FREM1: variants seen among roughly 807,000 people sequenced by gnomAD.
FREM1 encodes the protein FRAS1-related extracellular matrix protein 1.
A neutral mutation model predicts 210.1 loss-of-function variants in FREM1; 220 were observed. The ratio of observed to expected loss-of-function variants is 1.05; its 90% CI spans 0.94 to 1.17. FREM1 has a LOEUF of 1.17. FREM1 is among the 50% of genes most tolerant of loss of function. FREM1 has a pLI of 0.00. For missense variants in FREM1, 3,454 were observed against 2,675.5 expected, an observed-to-expected ratio of 1.29 and a Z score of -6.42; for synonymous variants, 1,189 against 980.2, an observed-to-expected ratio of 1.21 and a Z score of -3.98.
At chr9:14,887,280 T>C (rs1362627100) in intron 1 of FREM1, among the ~76,000 whole-genome samples, 3 of 152,148 alleles carry the variant, frequency 2.0e-5, no homozygotes, top group South Asian at 2.1e-4. Context: ...TGAGGTTATA[T>C]AGGCAATAAA....
chr9:14,776,211 A>G lies in FREM1; in HGVS notation c.4443-8T>C. On this transcript the variant is annotated splice_region_variant and splice_polypyrimidine_tract_variant and intron_variant, in intron 24 of 36. Transcript: ENST00000380880. Reference sequence around the variant, plus strand: ...CCATTGCTGATGATGAATCTGGTAAAGAGAGGCAAGGCAGCCTTCAGCATG... The same window carrying G: ...CCATTGCTGATGATGAATCTGGTAAGGAGAGGCAAGGCAGCCTTCAGCATG... The G allele has an allele frequency of 6.6e-7, 1 of 1,514,354 alleles. No homozygotes were observed. The highest frequency in any genetic ancestry group is 8.8e-7 in the Non-Finnish European group (1 of 1,132,168). The allele number at this position is 1,514,354 out of a possible 1,614,324, so 93.8% of individuals were successfully genotyped here.
chr9:14,851,680 T>C, intron 5 of FREM1, 73 bp from the exon 6 acceptor site: 3 of 1,148,686 alleles, frequency 2.6e-6, no homozygotes, highest in Admixed American at 3.4e-5. Flanking sequence ...GCTAATAGCA[T>C]AATATTTAAT....
At chr9:14,817,599 G>C (rs909860792) in intron 14 of FREM1, among the ~76,000 whole-genome samples, 1 of 152,086 alleles carries the variant, frequency 6.6e-6, no homozygotes, top group Non-Finnish European at 1.5e-5. Flanking sequence ...GAAGTGAATT[G>C]AGCCAAATTT....
Position 14,776,194 on chromosome 9 carries a change from G to A in FREM1, c.4452C>T (p.Ile1484=), listed in dbSNP as rs752402136. Residue 1484 remains isoleucine, a synonymous_variant, in exon 25 of 37, where the codon ATC becomes ATT. Coordinates refer to ENST00000380880, the MANE Select transcript of FREM1 (RefSeq NM_001379081.2). ...CGTGCTCGGTCCGCAGTCCATTGCT[G>A]ATGATGAATCTGGTAAAGAGAGGCA... ...TVSSDRFRFI[I]SNGLRTEHGV... is the part of the protein sequence containing the mutation. 1.1e-5 allele frequency: 16 copies of A among 1,519,058 alleles called. No individual in the cohort carries two copies. The highest frequency in any genetic ancestry group is 1.4e-5 in the Non-Finnish European group (16 of 1,134,262). 94.1% of individuals were successfully genotyped at this position (1,519,058 alleles called of 1,614,324 possible). A position where few individuals can be genotyped will look rare whatever the true frequency, so the allele number is the denominator to read the frequency against.
chr9:14,820,287 C>G (rs1486211393), intron 13 of FREM1, among the ~76,000 whole-genome samples: 1 of 152,212 alleles, frequency 6.6e-6, no homozygotes, highest in Non-Finnish European at 1.5e-5. Flanking sequence ...TCATTACCCC[C>G]ACGCTTGTAT....
chr9:14,806,970 T>C (rs1227663589), intron 17 of FREM1, 124 bp from the exon 18 acceptor site: 4 of 528,844 alleles, frequency 7.6e-6, no homozygotes, highest in African/African-American at 3.8e-5. Context: ...AACATTTCCA[T>C]GGGAGATGTT....
Position 14,868,979 on chromosome 9 carries a change from C to T in FREM1, c.-2G>A, listed in dbSNP as rs1300026875. The T allele has an allele frequency of 1.3e-6, 2 of 1,556,556 alleles. No homozygotes were observed. The highest frequency in any genetic ancestry group is 1.8e-5 in the Admixed American group (1 of 54,806). ...AGCCCCCCAACTCAGAGAGTTCATG[C>T]TGACAGGGCCCAACTCTTCTCTGTC... On this transcript the variant is annotated 5_prime_UTR_variant, in exon 2 of 37. Transcript: ENST00000380880.
intron 36 of FREM1, among the ~76,000 whole-genome samples, chr9:14,739,449 A>AATATATATATATAT (rs56320339): frequency 7.6e-6 from 1 of 132,368 alleles, no homozygotes; most frequent in African/African-American, 3.0e-5. Flanking sequence ...AATTATTTGG[A>AATATATATATATAT]ATATATATAT....
intron 2 of FREM1, among the ~76,000 whole-genome samples, chr9:14,867,192 T>A (rs1447640747): frequency 6.6e-6 from 1 of 152,174 alleles, no homozygotes; most frequent in African/African-American, 2.4e-5. Context: ...TCCCTGTAGT[T>A]GGGTCTCTAT....
chr9:14,746,843 C>A, intron 34 of FREM1, 80 bp downstream of exon 34: 2 of 1,473,318 alleles, frequency 1.4e-6, no homozygotes, highest in South Asian at 1.3e-5. Context: ...TTGAGTCATG[C>A]ACCAGATGGT....
chr9:14,763,123 C>T (rs1021689983), intron 27 of FREM1, among the ~76,000 whole-genome samples: 2 of 152,168 alleles, frequency 1.3e-5, no homozygotes, highest in African/African-American at 4.8e-5. Flanking sequence ...GTGGCAATCG[C>T]TTCAAGTCAT....
intron 1 of FREM1, among the ~76,000 whole-genome samples, chr9:14,895,618 G>C (rs1273869616): frequency 1.3e-5 from 2 of 151,884 alleles, no homozygotes; most frequent in African/African-American, 4.8e-5. Flanking sequence ...TACTTATTTT[G>C]CCTTACTGTT....
chr9:14,897,950 T>G (rs945859325), intron 1 of FREM1, among the ~76,000 whole-genome samples: 1 of 152,222 alleles, frequency 6.6e-6, no homozygotes, highest in East Asian at 1.9e-4. Flanking sequence ...AGCACAATTT[T>G]GAGGTCTTCA....
At chr9:14,809,957 C>T (rs1202213143) in intron 16 of FREM1, among the ~76,000 whole-genome samples, 1 of 151,948 alleles carries the variant, frequency 6.6e-6, no homozygotes, top group East Asian at 1.9e-4. Flanking sequence ...CCATTTTTTA[C>T]CTGTTAAATG....
intron 10 of FREM1, among the ~76,000 whole-genome samples, chr9:14,837,709 G>T (rs963227270): frequency 1.3e-5 from 2 of 152,128 alleles, no homozygotes; most frequent in African/African-American, 4.8e-5. Context: ...GTAGATTAGC[G>T]AAACACTGTA....
chr9:14,780,020 C>T (rs1849394411), intron 24 of FREM1, among the ~76,000 whole-genome samples: 1 of 152,136 alleles, frequency 6.6e-6, no homozygotes, highest in Non-Finnish European at 1.5e-5. Context: ...GAAAAAAGGT[C>T]AGTGCTGTTC....
At chr9:14,802,749 T>C (rs931180329) in intron 19 of FREM1, among the ~76,000 whole-genome samples, 18 of 152,214 alleles carry the variant, frequency 1.2e-4, no homozygotes, top group African/African-American at 4.3e-4. Flanking sequence ...ACATGCATAT[T>C]GGTAATCTGC....
At chr9:14,792,307 G>C (rs200804948) in intron 22 of FREM1, among the ~76,000 whole-genome samples, 18,312 of 131,890 alleles carry the variant, frequency 0.14, 1,592 homozygotes, top group African/African-American at 0.27. Context: ...CACACACAGA[G>C]AGAGAGAGAG....
chr9:14,799,025 T>G (rs1421613982), intron 20 of FREM1, among the ~76,000 whole-genome samples: 1 of 151,712 alleles, frequency 6.6e-6, no homozygotes, highest in Non-Finnish European at 1.5e-5. Context: ...ACTCCTGTAA[T>G]ACCAGCACTT....
Sources: gnomAD v4.1 joint callset for allele counts (sites outside exome capture counted in the v4.1 genomes callset) on GRCh38, gnomAD v4.1.1 for gene constraint, MANE v1.5 for transcripts, NCBI Gene and HGNC (gene_info 2026-07-23, HGNC 2026-07-21) for gene names.